KRT31: variants seen among roughly 807,000 people sequenced by gnomAD.
KRT31 encodes the protein keratin 31.
In KRT31, 27 loss-of-function variants were observed where a neutral mutation model predicts 40.8. The ratio of observed to expected loss-of-function variants is 0.66; its 90% CI spans 0.49 to 0.91. The LOEUF is 0.91. Among genes scored for constraint, KRT31 ranks in the 40% least tolerant of loss-of-function variants. KRT31 has a pLI of 0.00. For synonymous variants in KRT31, 231 were observed against 231.9 expected, an observed-to-expected ratio of 1.00 and a Z score of 0.03; for missense variants, 510 against 544.1, an observed-to-expected ratio of 0.94 and a Z score of 0.62.
intron 3 of KRT31, 49 bp from the exon 4 acceptor site, chr17:41,395,672 C>A: frequency 6.3e-7 from 1 of 1,582,158 alleles, no homozygotes; most frequent in Admixed American, 1.8e-5. Flanking sequence ...AAAGAATGAA[C>A]TCTAAGGAAT....
At position 41,397,295 on chromosome 17, in the gene KRT31, G is replaced by C; in HGVS notation, c.245C>G (p.Ala82Gly). ...EKVRQLERDN[A>G]ELENLIRERS... is the part of the protein sequence containing the mutation. ...CTCCCGGATGAGGTTCTCCAGCTCC[G>C]CGTTGTCCCGCTCCAGCTGACGCAC... The change falls in exon 1 of 7, where the codon GCG (alanine) becomes GGG (glycine). Residue 82 changes from alanine (A) to glycine (G), a missense_variant. Transcript: ENST00000251645. 6 of 1,614,124 alleles carry C rather than the reference G, an allele frequency of 3.7e-6. No individual in the cohort carries two copies. The highest frequency in any genetic ancestry group is 5.1e-6 in the Non-Finnish European group (6 of 1,180,028).
In KRT31 at chr17:41,397,343, C is replaced by A. The variant is rs768070805; in HGVS notation, c.197G>T (p.Arg66Leu). ...EKETMQFLND[R>L]LASYLEKVRQ... Reference sequence around the variant, plus strand: ...CACTTTCTCCAGGTAGCTGGCCAGGCGGTCGTTCAGGAACTGCATAGTCTC... The same window carrying A: ...CACTTTCTCCAGGTAGCTGGCCAGGAGGTCGTTCAGGAACTGCATAGTCTC... The change falls in exon 1 of 7, where the codon CGC (arginine) becomes CTC (leucine). Residue 66 changes from arginine (R) to leucine (L), a missense_variant. Coordinates refer to ENST00000251645, the MANE Select transcript of KRT31 (RefSeq NM_002277.3). 4 of 1,613,806 alleles carry A rather than the reference C, an allele frequency of 2.5e-6. No individual in the cohort carries two copies. The highest frequency in any genetic ancestry group is 3.4e-6 in the Non-Finnish European group (4 of 1,180,044).
rs1354672382 is a variant in KRT31, at chr17:41,394,040, C to T, written c.1227G>A (p.Gly409=). 7 of 1,613,360 alleles carry T rather than the reference C, an allele frequency of 4.3e-6. No individual in the cohort carries two copies. The East Asian group carries it at 1.6e-4, about 36-fold the overall frequency. ...TCTAGCGCACGAAGGAATTGCAGGG[C>T]CCACAGCGGGGGCGTGGGGCACAGG... ...CTPCAPRPRC[G]PCNSFVR Residue 409 remains glycine, a synonymous_variant, in exon 7 of 7, where the codon GGG becomes GGA. Coordinates refer to ENST00000251645, the MANE Select transcript of KRT31 (RefSeq NM_002277.3).
chr17:41,395,228 G>A lies in KRT31; in HGVS notation c.876+17C>T, dbSNP rs1330496901. The A allele has an allele frequency of 2.5e-6, 4 of 1,612,612 alleles. No individual in the cohort carries two copies. The East Asian group carries it at 8.9e-5, about 36-fold the overall frequency. ...CCAAGTTCCCGTCGCTCACCAGCAG[G>A]TCTGAACAATACACACCAGGTTGTG... On this transcript the variant is annotated intron_variant, in intron 5 of 6. Coordinates refer to ENST00000251645, the MANE Select transcript of KRT31 (RefSeq NM_002277.3).
chr17:41,395,864 C>G (rs778404078), intron 3 of KRT31, among the ~76,000 whole-genome samples: 12 of 152,286 alleles, frequency 7.9e-5, no homozygotes, highest in Non-Finnish European at 1.5e-4. Context: ...GAAGGATGAA[C>G]TAATTGATAT....
At chr17:41,395,691 T>A (rs1238308149) in intron 3 of KRT31, 68 bp from the exon 4 acceptor site, 1 of 1,538,274 alleles carries the variant, frequency 6.5e-7, no homozygotes, top group East Asian at 2.3e-5. Flanking sequence ...ATGGCATTGC[T>A]TGTTGAAACC....
Position 41,397,429 on chromosome 17 carries a change from G to T in KRT31, c.111C>A (p.Ile37=). 1.9e-6 allele frequency: 3 copies of T among 1,612,992 alleles called. No individual in the cohort carries two copies. The South Asian group carries it at 3.3e-5, about 18-fold the overall frequency. Residue 37 remains isoleucine (I), a synonymous_variant, in exon 1 of 7, where the codon ATC becomes ATA. Coordinates refer to ENST00000251645, the MANE Select transcript of KRT31 (RefSeq NM_002277.3). ...AGTTGCAGTTGCTCACATTGGCGGG[G>T]ATGTTGCAGGCCCCGGGCAGGGTGC... ...HSCTLPGACN[I]PANVSNCNWF... is the part of the protein sequence containing the mutation.
chr17:41,394,272 A>AC, intron 6 of KRT31, 103 bp from the exon 7 acceptor site: 7 of 1,277,686 alleles, frequency 5.5e-6, no homozygotes, highest in Non-Finnish European at 7.7e-6. Context: ...AAGGGACTTG[A>AC]CCTGGCCTAG....
In KRT31 at chr17:41,395,554, C is replaced by T. The variant is rs1221805313; in HGVS notation, c.658G>A (p.Asp220Asn). The change falls in exon 4 of 7, where the codon GAC becomes AAC. Residue 220 changes from aspartate to asparagine, a missense_variant. By Grantham distance (23) the Asp-to-Asn change is conservative (BLOSUM62 1). Coordinates refer to ENST00000251645, the MANE Select transcript of KRT31 (RefSeq NM_002277.3). Reference protein sequence around the residue: ...NVEVDAAPTVDLNRVLNETRS... With the variant: ...NVEVDAAPTVNLNRVLNETRS... ...GTCTCGTTCAGCACCCGATTCAGGT[C>T]CACAGTGGGAGCAGCATCCACCTCC... 3.1e-6 allele frequency: 5 copies of T among 1,614,098 alleles called. No homozygotes were observed. Among genetic ancestry groups the T allele is most frequent in the Non-Finnish European group, 4.2e-6 (5 of 1,180,044 alleles).
chr17:41,396,856 T>C (rs2144359550), intron 2 of KRT31, 57 bp downstream of exon 2: 1 of 1,414,866 alleles, frequency 7.1e-7, no homozygotes, highest in Non-Finnish European at 1.0e-6. Context: ...GGAAATCCCT[T>C]TTCTTTAAAG....
At chr17:41,395,785 C>A (rs1438076206) in intron 3 of KRT31, among the ~76,000 whole-genome samples, 162 bp from the exon 4 acceptor site, 1 of 152,184 alleles carries the variant, frequency 6.6e-6, no homozygotes, top group Non-Finnish European at 1.5e-5. Flanking sequence ...ATAGCCCCCT[C>A]CCCACCATCT....
In KRT31 at chr17:41,395,037, C is replaced by T. The variant is rs537121079; in HGVS notation, c.908G>A (p.Ser303Asn). 1.9e-6 allele frequency: 3 copies of T among 1,614,246 alleles called. No individual in the cohort carries two copies. Among genetic ancestry groups the T allele is most frequent in the Admixed American group, 3.3e-5 (2 of 60,028 alleles). The change falls in exon 6 of 7, where the codon AGT becomes AAT. Residue 303 changes from serine to asparagine, a missense_variant. Ser to Asn is a conservative substitution (Grantham distance 46, BLOSUM62 1). Coordinates refer to ENST00000251645, the MANE Select transcript of KRT31 (RefSeq NM_002277.3). ...RDSLENTLTE[S>N]EARYSSQLSQ... ...CAGCTGGGAGCTGTAGCGGGCCTCA[C>T]TCTCTGTCAGCGTGTTTTCCAGAGA...
Position 41,395,519 on chromosome 17 carries a change from C to G in KRT31, c.693G>C (p.Gln231His). The change falls in exon 4 of 7, where the codon CAG becomes CAC. Residue 231 changes from glutamine to histidine, a missense_variant. Transcript: ENST00000251645. ...LNRVLNETRS[Q>H]YEALVETNRR... ...GGTTGGTTTCCACCAGGGCCTCATA[C>G]TGACTCCTGGTCTCGTTCAGCACCC... 1 of 1,614,220 alleles carries G rather than the reference C, an allele frequency of 6.2e-7. No individual in the cohort carries two copies. The highest frequency in any genetic ancestry group is 8.5e-7 in the Non-Finnish European group (1 of 1,180,030).
intron 6 of KRT31, 62 bp from the exon 7 acceptor site, chr17:41,394,231 A>C: frequency 6.3e-7 from 1 of 1,579,386 alleles, no homozygotes; most frequent in Non-Finnish European, 8.7e-7. Flanking sequence ...CATATGCCAG[A>C]GATATCCCCA....
Position 41,393,944 on chromosome 17 carries a change from T to C in KRT31, c.*72A>G, listed in dbSNP as rs79266113. On this transcript the variant is annotated 3_prime_UTR_variant, in exon 7 of 7. Coordinates refer to ENST00000251645, the MANE Select transcript of KRT31 (RefSeq NM_002277.3). ...AAATGATGTTTTCAGGCCCCTTTTGTTGAACCAGAGCCAGGTCACAGCTCT... is the reference window on the plus strand; with the variant it reads ...AAATGATGTTTTCAGGCCCCTTTTGCTGAACCAGAGCCAGGTCACAGCTCT... The C allele has an allele frequency of 6.5e-6, 10 of 1,526,864 alleles. No individual in the cohort carries two copies. Among genetic ancestry groups the C allele is most frequent in the Non-Finnish European group, 8.8e-6 (10 of 1,136,028 alleles). 94.6% of individuals were successfully genotyped at this position (1,526,864 alleles called of 1,614,324 possible). A position where few individuals can be genotyped will look rare whatever the true frequency, so the allele number is the denominator to read the frequency against.
In KRT31 at chr17:41,393,777, A is replaced by G. The variant is rs2018171837; in HGVS notation, c.*239T>C. ...GGTTAAAAGGGAGGCCCACTGGCAC[A>G]TCAGAGAGTTCTCTGGGTGAGCATA... On this transcript the variant is annotated 3_prime_UTR_variant, in exon 7 of 7. Transcript: ENST00000251645. 2.0e-6 allele frequency: 1 copy of G among 501,322 alleles called. No homozygotes were observed. The highest frequency in any genetic ancestry group is 5.0e-4 in the Middle Eastern group (1 of 2,020). The allele number at this position is 501,322 out of a possible 1,614,324, so 31.1% of individuals were successfully genotyped here. A position where few individuals can be genotyped will look rare whatever the true frequency, so the allele number is the denominator to read the frequency against.
chr17:41,397,461 G>A lies in KRT31; in HGVS notation c.79C>T (p.His27Tyr). 2 of 1,613,258 alleles carry A rather than the reference G, an allele frequency of 1.2e-6. No homozygotes were observed. The highest frequency in any genetic ancestry group is 1.7e-6 in the Non-Finnish European group (2 of 1,179,964). The change falls in exon 1 of 7, where the codon CAC (histidine) becomes TAC (tyrosine). Residue 27 changes from histidine (H) to tyrosine (Y), a missense_variant. His to Tyr is a moderately conservative substitution (Grantham distance 83). Transcript: ENST00000251645. ...CAGGCCCCGGGCAGGGTGCAGCTGT[G>A]GCAGCTGGGGGGCACGCAGGGCCGG... ...SSRPCVPPSC[H>Y]SCTLPGACNI...
rs999722434 is a variant in KRT31 at position 41,395,504 on chromosome 17, C to T, written c.708G>A (p.Val236=). The T allele has an allele frequency of 9.9e-6, 16 of 1,614,080 alleles. No individual in the cohort carries two copies. Among genetic ancestry groups the T allele is most frequent in the Non-Finnish European group, 1.2e-5 (14 of 1,180,042 alleles). Residue 236 remains valine (V), a synonymous_variant, in exon 4 of 7, where the codon GTG becomes GTA. Transcript: ENST00000251645. ...NETRSQYEAL[V]ETNRREVEQW... ...GCTCCACTTCCCTGCGGTTGGTTTC[C>T]ACCAGGGCCTCATACTGACTCCTGG...
intron 1 of KRT31, 37 bp downstream of exon 1, chr17:41,397,153 CAA>C: frequency 1.9e-6 from 3 of 1,605,438 alleles, no homozygotes; most frequent in Non-Finnish European, 2.6e-6. Context: ...AGAATCACAG[CAA>C]ACTCTCTTGC....
Sources: gnomAD v4.1 joint callset for allele counts (sites outside exome capture counted in the v4.1 genomes callset) on GRCh38, gnomAD v4.1.1 for gene constraint, MANE v1.5 for transcripts, NCBI Gene and HGNC (gene_info 2026-07-23, HGNC 2026-07-21) for gene names.